Variants in FOXN3 observed in about 807,000 individuals in gnomAD.
FOXN3 encodes the protein forkhead box N3, also known as forkhead box protein N3.
In FOXN3, 7 loss-of-function variants were observed where a neutral mutation model predicts 38.4. That is an observed-to-expected ratio of 0.18 (90% CI 0.10 to 0.34). The LOEUF is 0.34. Ranked by LOEUF, FOXN3 falls within the 10% of genes least tolerant of loss-of-function variation. The probability of loss-of-function intolerance (pLI) is 1.00; values close to 1 mark genes in which losing one functional copy is unlikely to be tolerated. For synonymous variants in FOXN3, 230 were observed against 242.2 expected, an observed-to-expected ratio of 0.95 and a Z score of 0.47; for missense variants, 456 against 613.4, an observed-to-expected ratio of 0.74 and a Z score of 2.71.
chr14:89,590,759 C>A (rs112535799), intron 1 of FOXN3, among the ~76,000 whole-genome samples: 15 of 152,142 alleles, frequency 9.9e-5, no homozygotes, highest in Non-Finnish European at 1.9e-4. Flanking sequence ...AGCCGTAAAA[C>A]CTAGAAATAC....
intron 4 of FOXN3, among the ~76,000 whole-genome samples, chr14:89,249,557 A>G (rs1350659164): frequency 6.6e-6 from 1 of 152,234 alleles, no homozygotes; most frequent in Admixed American, 6.5e-5. Context: ...CAAATTTTTC[A>G]TGTAGACACA....
chr14:89,335,363 C>T (rs1314514928), intron 3 of FOXN3, among the ~76,000 whole-genome samples: 4 of 152,196 alleles, frequency 2.6e-5, no homozygotes, highest in Non-Finnish European at 5.9e-5. Context: ...AGTGTCATTC[C>T]TACACCTGCT....
chr14:89,327,781 G>A, intron 3 of FOXN3, among the ~76,000 whole-genome samples: 1 of 152,160 alleles, frequency 6.6e-6, no homozygotes, highest in East Asian at 1.9e-4. Context: ...CACAAAGGCT[G>A]GCTAATCTCG....
chr14:89,602,288 CA>C (rs111592437), intron 1 of FOXN3, among the ~76,000 whole-genome samples: 41 of 133,620 alleles, frequency 3.1e-4, no homozygotes, highest in Admixed American at 2.2e-4. Flanking sequence ...GACTTTGTGT[CA>C]AAAAAAAAAA....
intron 1 of FOXN3, among the ~76,000 whole-genome samples, chr14:89,562,262 T>C (rs531412067): frequency 6.6e-6 from 1 of 152,264 alleles, no homozygotes; most frequent in Non-Finnish European, 1.5e-5. Context: ...TTTTTTGTTA[T>C]TGTTGTTTGT....
At chr14:89,330,229 G>C (rs1473380958) in intron 3 of FOXN3, among the ~76,000 whole-genome samples, 1 of 152,162 alleles carries the variant, frequency 6.6e-6, no homozygotes, top group African/African-American at 2.4e-5. Flanking sequence ...AAGCACAGGG[G>C]TGCCTGCCAG....
intron 3 of FOXN3, among the ~76,000 whole-genome samples, chr14:89,324,441 T>C (rs1002297005): frequency 1.9e-5 from 2 of 106,908 alleles, no homozygotes; most frequent in South Asian, 3.2e-4. Context: ...GCTAAGTGTG[T>C]GCGTGTGTGT....
At chr14:89,354,522 C>A (rs894628990) in intron 2 of FOXN3, among the ~76,000 whole-genome samples, 1 of 146,480 alleles carries the variant, frequency 6.8e-6, no homozygotes, top group Admixed American at 6.8e-5. Context: ...CCACTGCGCC[C>A]GGCCGTGGAG....
At chr14:89,430,930 T>C (rs1340763033) in intron 1 of FOXN3, among the ~76,000 whole-genome samples, 2 of 152,216 alleles carry the variant, frequency 1.3e-5, no homozygotes, top group Admixed American at 6.5e-5. Flanking sequence ...AAAGGCATGA[T>C]AAATCATGCG....
intron 1 of FOXN3, among the ~76,000 whole-genome samples, chr14:89,450,505 T>C (rs1892593108): frequency 6.6e-6 from 1 of 152,144 alleles, no homozygotes; most frequent in African/African-American, 2.4e-5. Context: ...TTAAGTGTCT[T>C]CATCTGCCAA....
intron 3 of FOXN3, among the ~76,000 whole-genome samples, chr14:89,340,727 T>G (rs1888591133): frequency 6.6e-6 from 1 of 152,020 alleles, no homozygotes; most frequent in South Asian, 2.1e-4. Context: ...GATGATTTGA[T>G]GGACAGCTTT....
intron 1 of FOXN3, among the ~76,000 whole-genome samples, chr14:89,452,077 G>A (rs1457790077): frequency 6.6e-6 from 1 of 152,118 alleles, no homozygotes; most frequent in Admixed American, 6.5e-5. Context: ...CTAAAAACCA[G>A]TATCTTACGT....
intron 3 of FOXN3, among the ~76,000 whole-genome samples, chr14:89,343,043 G>T (rs1019451037): frequency 9.2e-5 from 14 of 152,160 alleles, no homozygotes; most frequent in African/African-American, 3.1e-4. Context: ...GTCCTTCAAT[G>T]TAAGTTAAAA....
chr14:89,334,404 G>GT (rs1888375704), intron 3 of FOXN3, among the ~76,000 whole-genome samples: 1 of 152,172 alleles, frequency 6.6e-6, no homozygotes, highest in Non-Finnish European at 1.5e-5. Flanking sequence ...GAGGTCAGGA[G>GT]TTTGAGACCA....
intron 1 of FOXN3, among the ~76,000 whole-genome samples, chr14:89,448,652 T>C (rs1255233829): frequency 6.6e-6 from 1 of 152,004 alleles, no homozygotes; most frequent in East Asian, 1.9e-4. Flanking sequence ...ACATAAGAAA[T>C]CCTGGGTGGG....
At chr14:89,333,759 A>C (rs796319604) in intron 3 of FOXN3, among the ~76,000 whole-genome samples, 3 of 101,610 alleles carry the variant, frequency 3.0e-5, no homozygotes, top group Non-Finnish European at 7.3e-5. Flanking sequence ...TAAAAAAAAA[A>C]AAAAAAAAAA....
chr14:89,605,134 GT>G (rs1896243529), intron 1 of FOXN3, among the ~76,000 whole-genome samples: 1 of 151,806 alleles, frequency 6.6e-6, no homozygotes, highest in Admixed American at 6.6e-5. Flanking sequence ...AACATTTCTG[GT>G]TTAAAATGAT....
chr14:89,398,776 G>A (rs556176696), intron 2 of FOXN3, among the ~76,000 whole-genome samples: 4 of 152,138 alleles, frequency 2.6e-5, no homozygotes, highest in Admixed American at 2.0e-4. Flanking sequence ...ACCTGAGGTC[G>A]GGAGTTCAAG....
intron 2 of FOXN3, among the ~76,000 whole-genome samples, chr14:89,405,512 G>T (rs1425041359): frequency 6.6e-6 from 1 of 152,032 alleles, no homozygotes; most frequent in African/African-American, 2.4e-5. Flanking sequence ...CAGCAAATTA[G>T]AGACAATTTG....
Sources: allele counts gnomAD v4.1 joint callset (sites outside exome capture counted in the v4.1 genomes callset), GRCh38; gene constraint gnomAD v4.1.1; transcripts MANE v1.5; gene names NCBI Gene and HGNC (gene_info 2026-07-23, HGNC 2026-07-21).